Variants in AGBL1 observed in about 807,000 individuals in gnomAD.
AGBL1 encodes cytosolic carboxypeptidase 4.
A neutral mutation model predicts 118.9 loss-of-function variants in AGBL1; 130 were observed. The ratio of observed to expected loss-of-function variants is 1.09; its 90% CI spans 0.95 to 1.26. AGBL1 has a LOEUF of 1.26. AGBL1 is among the 50% of genes most tolerant of loss of function. The probability of loss-of-function intolerance (pLI) is 0.00; values close to 1 mark genes in which losing one functional copy is unlikely to be tolerated. For synonymous variants in AGBL1, 555 were observed against 478.9 expected, an observed-to-expected ratio of 1.16 and a Z score of -2.08; for missense variants, 1,584 against 1,298.1, an observed-to-expected ratio of 1.22 and a Z score of -3.38.
chr15:86,792,889 A>G (rs1596485562), intron 22 of AGBL1, among the ~76,000 whole-genome samples: 1 of 152,164 alleles, frequency 6.6e-6, no homozygotes, highest in Non-Finnish European at 1.5e-5. Context: ...AATATTATCA[A>G]CAAAAATATA....
rs557135851 is a variant in AGBL1 at position 86,320,196 on chromosome 15, C to CA, written c.2374+24788_2374+24789insA. 4.2e-3 allele frequency among the ~76,000 whole-genome samples: 631 copies of CA among 152,020 alleles called. 6 individuals carry two copies. The highest frequency in any genetic ancestry group is 0.014 in the African/African-American group (589 of 41,504). On this transcript the variant is annotated intron_variant, in intron 17 of 22. Transcript: ENST00000614907. ...GATTTTATTGAAATGATATTCCTAT[C>CA]GGGAAAAAAGGACATTCCTATGATA...
chr15:86,930,252 A>T (rs1011841529), intron 23 of AGBL1, among the ~76,000 whole-genome samples: 5 of 152,174 alleles, frequency 3.3e-5, no homozygotes, highest in African/African-American at 9.7e-5. Context: ...ACCAACTCTG[A>T]AAAACCCTCC....
intron 1 of AGBL1, among the ~76,000 whole-genome samples, chr15:86,082,684 A>G (rs1473083285): frequency 6.6e-6 from 1 of 152,232 alleles, no homozygotes; most frequent in Non-Finnish European, 1.5e-5. Context: ...CACATGAGGA[A>G]GGGGTAAGTG....
intron 1 of AGBL1, among the ~76,000 whole-genome samples, chr15:86,099,347 TTTATTGGTTATTTTG>T (rs1896571329): frequency 6.6e-6 from 1 of 152,184 alleles, no homozygotes; most frequent in African/African-American, 2.4e-5. Context: ...GATGTAGTTT[TTTATTGGTTATTTTG>T]TTATTGGTGT....
intron 21 of AGBL1, among the ~76,000 whole-genome samples, chr15:86,561,847 T>A (rs1256124051): frequency 1.3e-5 from 2 of 152,310 alleles, no homozygotes; most frequent in East Asian, 3.9e-4. Flanking sequence ...TGGTTTGTAG[T>A]TCTCCTTGAA....
At chr15:86,844,790 G>A (rs536034574) in intron 22 of AGBL1, among the ~76,000 whole-genome samples, 5 of 152,194 alleles carry the variant, frequency 3.3e-5, no homozygotes, top group African/African-American at 1.2e-4. Flanking sequence ...CTTGCCCAAA[G>A]TAATGAAAAT....
At position 86,988,125 on chromosome 15, in the gene AGBL1, G is replaced by T. The variant is rs183173001; in HGVS notation, c.3323+37G>T. 4.3e-4 allele frequency: 684 copies of T among 1,602,996 alleles called. 6 individuals carry two copies. The highest frequency in any genetic ancestry group is 4.2e-3 in the Admixed American group (250 of 58,908). On this transcript the variant is annotated intron_variant, in intron 24 of 24. Coordinates refer to the AGBL1 transcript ENST00000441037. ...AGTTTCCTGATTGTACATTGCTTGG[G>T]GCGGGGATTGCTGGATGAAATACCC...
chr15:86,595,130 C>A (rs1334302876), intron 21 of AGBL1, among the ~76,000 whole-genome samples: 1 of 152,126 alleles, frequency 6.6e-6, no homozygotes, highest in Non-Finnish European at 1.5e-5. Context: ...TGTTGAAATG[C>A]CGTGAAGCTC....
At chr15:86,267,928 G>A (rs1597654396) in intron 13 of AGBL1, among the ~76,000 whole-genome samples, 1 of 152,136 alleles carries the variant, frequency 6.6e-6, no homozygotes, top group Non-Finnish European at 1.5e-5. Context: ...TTCCAACCAG[G>A]AGACTGAGCA....
rs575286599 is a variant in AGBL1 at position 86,957,972 on chromosome 15, C to T, written c.3222-30015C>T. On this transcript the variant is annotated intron_variant, in intron 23 of 24. Transcript: ENST00000441037. ...ATTCCTGCACTTTTAGAGGCCAAGG[C>T]AGAAGGATCACTAGTGGCCAGGAGT... Among the ~76,000 whole-genome samples the T allele has an allele frequency of 5.0e-4, 76 of 152,114 alleles. 1 individual carries two copies. The South Asian group carries it at 0.016, about 32-fold the overall frequency.
chr15:86,813,978 T>C (rs1346177048), intron 22 of AGBL1, among the ~76,000 whole-genome samples: 3 of 152,172 alleles, frequency 2.0e-5, no homozygotes, highest in African/African-American at 7.2e-5. Flanking sequence ...AAACTGAGTC[T>C]AGATCCCTGT....
intron 22 of AGBL1, among the ~76,000 whole-genome samples, chr15:86,821,932 A>C (rs942752915): frequency 2.6e-5 from 4 of 152,146 alleles, no homozygotes; most frequent in South Asian, 4.2e-4. Context: ...GCACAACCCA[A>C]CCCACCTTAC....
intron 22 of AGBL1, among the ~76,000 whole-genome samples, chr15:86,769,176 GGA>G (rs545514274): frequency 4.5e-5 from 3 of 66,616 alleles, no homozygotes; most frequent in Admixed American, 4.4e-4. Flanking sequence ...ATTTTGAGAG[GGA>G]GAGAGAGAGA....
intron 17 of AGBL1, among the ~76,000 whole-genome samples, chr15:86,314,448 G>A (rs1291372253): frequency 1.3e-5 from 2 of 152,176 alleles, no homozygotes; most frequent in African/African-American, 4.8e-5. Context: ...GCCTGGTTTT[G>A]GCAGCACAGT....
intron 5 of AGBL1, among the ~76,000 whole-genome samples, chr15:86,204,390 T>A (rs1384466588): frequency 6.6e-6 from 1 of 152,168 alleles, no homozygotes; most frequent in African/African-American, 2.4e-5. Flanking sequence ...GGATTTCCCA[T>A]ATACCCCTTA....
At chr15:86,692,539 G>A (rs2086190918) in intron 22 of AGBL1, among the ~76,000 whole-genome samples, 1 of 152,078 alleles carries the variant, frequency 6.6e-6, no homozygotes. Flanking sequence ...CAAGGAGGGA[G>A]GTTGAGGAAT....
In AGBL1 at chr15:86,806,875, T is replaced by A. The variant is rs148381381; in HGVS notation, c.3159-100212T>A. 3.0e-3 allele frequency among the ~76,000 whole-genome samples: 456 copies of A among 151,964 alleles called. 7 individuals carry two copies. The highest frequency in any genetic ancestry group is 0.011 in the African/African-American group (445 of 41,494). On this transcript the variant is annotated intron_variant, in intron 22 of 22. Transcript: ENST00000614907. ...ACATCTATTATATTCTATTGTACTGTGTTATATACAATACGTGATATACCA... is the reference window on the plus strand; with the variant it reads ...ACATCTATTATATTCTATTGTACTGAGTTATATACAATACGTGATATACCA...
rs753862890 is a variant in AGBL1 at position 86,266,407 on chromosome 15, C to G, written c.1701C>G (p.Ile567Met). The stretch of plus-strand genomic sequence containing the variant: ...TATTTGAGGATATTCGGAGGCTCAT[C>G]CAGCCAAGTGATGTTATAAATAAAG... Reference protein sequence around the residue: ...IRIFEDIRRLIQPSDVINKVV... With the variant: ...IRIFEDIRRLMQPSDVINKVV... Residue 567 changes from isoleucine to methionine, a missense_variant, in exon 12 of 23, where the codon ATC becomes ATG. Ile to Met is a conservative substitution (Grantham distance 10). Transcript: ENST00000614907. 6.3e-7 allele frequency: 1 copy of G among 1,581,126 alleles called. No individual in the cohort carries two copies. Among genetic ancestry groups the G allele is most frequent in the Non-Finnish European group, 8.6e-7 (1 of 1,161,832 alleles).
intron 22 of AGBL1, among the ~76,000 whole-genome samples, chr15:86,844,484 A>T (rs1044180405): frequency 6.6e-6 from 1 of 152,100 alleles, no homozygotes; most frequent in Non-Finnish European, 1.5e-5. Context: ...ATCTTTTCTT[A>T]TGCCTGTTAG....
Sources: allele counts gnomAD v4.1 joint callset (sites outside exome capture counted in the v4.1 genomes callset), GRCh38; gene constraint gnomAD v4.1.1; transcripts MANE v1.5; gene names NCBI Gene and HGNC (gene_info 2026-07-23, HGNC 2026-07-21).